The following ACMSD variants were observed in gnomAD, a reference collection of about 807,000 sequenced individuals.
ACMSD encodes the protein 2-amino-3-carboxymuconate-6-semialdehyde decarboxylase.
Under a neutral mutation model 45.9 loss-of-function variants are expected in ACMSD, and 37 were observed. That is an observed-to-expected ratio of 0.81 (90% CI 0.62 to 1.06). The LOEUF is 1.06. Among genes scored for constraint, ACMSD ranks in the 50% least tolerant of loss-of-function variants. The pLI, the probability that ACMSD is intolerant of heterozygous loss-of-function variation, is 0.00. For synonymous variants in ACMSD, 138 were observed against 148.8 expected, an observed-to-expected ratio of 0.93 and a Z score of 0.53; for missense variants, 434 against 420.9, an observed-to-expected ratio of 1.03 and a Z score of -0.27.
chr2:134,879,402 T>G (rs895894491), intron 8 of ACMSD, among the ~76,000 whole-genome samples: 2 of 152,188 alleles, frequency 1.3e-5, no homozygotes, highest in Non-Finnish European at 2.9e-5. Flanking sequence ...TCCTACTTCC[T>G]CCTACTAATC....
chr2:134,874,787 A>G (rs1245673878), intron 8 of ACMSD, among the ~76,000 whole-genome samples: 1 of 152,208 alleles, frequency 6.6e-6, no homozygotes, highest in Non-Finnish European at 1.5e-5. Context: ...TTGTAGTCAT[A>G]ATAGGGTAAA....
intron 6 of ACMSD, among the ~76,000 whole-genome samples, chr2:134,869,360 A>C (rs1368009145): frequency 6.6e-6 from 1 of 151,932 alleles, no homozygotes; most frequent in Non-Finnish European, 1.5e-5. Context: ...TTACAAGTGC[A>C]CGCCACCACG....
chr2:134,843,375 A>G (rs2104809293), intron 1 of ACMSD, among the ~76,000 whole-genome samples: 1 of 152,334 alleles, frequency 6.6e-6, no homozygotes. Context: ...ATTTGGGGCT[A>G]GGACTCAAGA....
chr2:134,862,979 G>A (rs553978626), intron 4 of ACMSD: 138 of 985,442 alleles, frequency 1.4e-4, no homozygotes, highest in Non-Finnish European at 1.6e-4. Context: ...CCAGCCTGGC[G>A]GCCCTCAATG....
intron 1 of ACMSD, among the ~76,000 whole-genome samples, chr2:134,839,734 A>C (rs1686698008): frequency 6.6e-6 from 1 of 152,170 alleles, no homozygotes; most frequent in Non-Finnish European, 1.5e-5. Flanking sequence ...TGGATTGAAA[A>C]ACAAAATCTT....
intron 8 of ACMSD, among the ~76,000 whole-genome samples, chr2:134,894,806 T>C (rs1433347159): frequency 6.6e-6 from 1 of 152,142 alleles, no homozygotes; most frequent in African/African-American, 2.4e-5. Context: ...TTTTCTCTAC[T>C]TGCAATTGAG....
chr2:134,853,434 T>G (rs1216161197), intron 2 of ACMSD, among the ~76,000 whole-genome samples: 1 of 152,090 alleles, frequency 6.6e-6, no homozygotes, highest in Non-Finnish European at 1.5e-5. Context: ...AAAAAAAACT[T>G]GATTTTCTTT....
chr2:134,853,651 AGATCAGGGATT>A (rs1687452263), intron 2 of ACMSD, among the ~76,000 whole-genome samples: 2 of 152,140 alleles, frequency 1.3e-5, no homozygotes, highest in Non-Finnish European at 2.9e-5. Context: ...AAAGCGACAG[AGATCAGGGATT>A]GATTCCTTAC....
intron 8 of ACMSD, among the ~76,000 whole-genome samples, chr2:134,885,027 C>G (rs1182663296): frequency 6.6e-6 from 1 of 150,788 alleles, no homozygotes; most frequent in Non-Finnish European, 1.5e-5. Context: ...GAAACCCTGT[C>G]TCTACGGAAA....
At chr2:134,876,645 T>A (rs916305837) in intron 8 of ACMSD, among the ~76,000 whole-genome samples, 1 of 152,180 alleles carries the variant, frequency 6.6e-6, no homozygotes, top group African/African-American at 2.4e-5. Flanking sequence ...CAGGCTGTTT[T>A]ACAGTTAATT....
chr2:134,859,415 A>G, intron 3 of ACMSD, 58 bp downstream of exon 3: 3 of 1,543,300 alleles, frequency 1.9e-6, no homozygotes, highest in South Asian at 2.3e-5. Flanking sequence ...GTCTGCCCTT[A>G]AAGTTTGCTG....
rs763169198 is a variant in ACMSD at position 134,901,912 on chromosome 2, T to C, written c.*52T>C. 2 of 1,421,676 alleles carry C rather than the reference T, an allele frequency of 1.4e-6. No homozygotes were observed. Among genetic ancestry groups the C allele is most frequent in the Non-Finnish European group, 2.0e-6 (2 of 1,024,874 alleles). 88.1% of individuals were successfully genotyped at this position (1,421,676 alleles called of 1,614,324 possible). ...CAAAAGGATATCTCATTTTTGTTTCTAAATATGTATCAACAGGTATCAACA... is the reference window on the plus strand; with the variant it reads ...CAAAAGGATATCTCATTTTTGTTTCCAAATATGTATCAACAGGTATCAACA... On this transcript the variant is annotated 3_prime_UTR_variant, in exon 10 of 10. Coordinates refer to ENST00000356140, the MANE Select transcript of ACMSD (RefSeq NM_138326.3).
At chr2:134,886,615 A>T (rs1249426562) in intron 8 of ACMSD, among the ~76,000 whole-genome samples, 7 of 152,058 alleles carry the variant, frequency 4.6e-5, no homozygotes, top group Non-Finnish European at 1.5e-5. Flanking sequence ...TCTGATAGAG[A>T]TTGTCATAAA....
intron 2 of ACMSD, among the ~76,000 whole-genome samples, chr2:134,850,059 CTGTTATCAACTGTATTTGT>C (rs1175372191): frequency 2.6e-5 from 4 of 151,960 alleles, no homozygotes; most frequent in Non-Finnish European, 1.5e-5. Flanking sequence ...GGACTCCTCA[CTGTTATCAACTGTATTTGT>C]ATCCCCCGCC....
intron 2 of ACMSD, among the ~76,000 whole-genome samples, chr2:134,847,413 T>C (rs538441452): frequency 6.7e-6 from 1 of 149,870 alleles, no homozygotes; most frequent in African/African-American, 2.5e-5. Context: ...GATAGATAGA[T>C]AGATAGATAG....
rs138883585 is a variant in ACMSD, at chr2:134,899,080, C to A, written c.948+641C>A. On this transcript the variant is annotated intron_variant, in intron 9 of 9. Coordinates refer to ENST00000356140, the MANE Select transcript of ACMSD (RefSeq NM_138326.3). ...TTCCTAAGACCTTCACTGCCCATCA[C>A]TCCCAGGAGTCAGGGATGGCCAAAA... 2.0e-3 allele frequency among the ~76,000 whole-genome samples: 304 copies of A among 152,232 alleles called. 3 individuals are homozygous for A. The highest frequency in any genetic ancestry group is 0.013 in the Admixed American group (193 of 15,272).
rs769324059 is a variant in ACMSD, at chr2:134,901,903, T to G, written c.*43T>G. The G allele has an allele frequency of 6.6e-7, 1 of 1,507,934 alleles. No homozygotes were observed. Among genetic ancestry groups the G allele is most frequent in the East Asian group, 2.3e-5 (1 of 43,540 alleles). The allele number at this position is 1,507,934 out of a possible 1,614,324, so 93.4% of individuals were successfully genotyped here. On this transcript the variant is annotated 3_prime_UTR_variant, in exon 10 of 10. Transcript: ENST00000356140. ...GCAAACTTTCAAAAGGATATCTCAT[T>G]TTTGTTTCTAAATATGTATCAACAG... is the stretch of plus-strand genomic sequence containing the variant.
chr2:134,870,902 C>T (rs1688400436), intron 6 of ACMSD, 63 bp from the exon 7 acceptor site: 2 of 1,406,862 alleles, frequency 1.4e-6, no homozygotes, highest in Admixed American at 3.5e-5. Context: ...CAGCCACTAA[C>T]ATCACTGAAT....
At position 134,871,198 on chromosome 2, in the gene ACMSD, GT is replaced by G. The variant is rs1178866553; in HGVS notation, c.676+141del. 60 of 765,632 alleles carry G rather than the reference GT, an allele frequency of 7.8e-5. No individual in the cohort carries two copies. In the Admixed American group the frequency reaches 1.5e-3, roughly 19 times the overall value. The allele number at this position is 765,632 out of a possible 1,614,324, so 47.4% of individuals were successfully genotyped here. On this transcript the variant is annotated intron_variant, in intron 7 of 9. Transcript: ENST00000356140. ...CAAGATCAAGGTGCTGGCAGGGTTG[GT>G]TTCTAGTGAGGGCTCTCTTCCTAGC...
Sources: allele counts gnomAD v4.1 joint callset (sites outside exome capture counted in the v4.1 genomes callset), GRCh38; gene constraint gnomAD v4.1.1; transcripts MANE v1.5; gene names NCBI Gene and HGNC (gene_info 2026-07-23, HGNC 2026-07-21).